The following GAB1 variants were observed in gnomAD, a reference collection of about 807,000 sequenced individuals.
GAB1 encodes GRB2-associated-binding protein 1.
GAB1 carries 19 observed loss-of-function variants against 66.5 expected under a neutral mutation model. The ratio of observed to expected loss-of-function variants is 0.29; its 90% CI spans 0.20 to 0.42. The LOEUF is 0.42. GAB1 is among the 10% of genes least tolerant of loss of function. GAB1 has a pLI of 1.00. For missense variants in GAB1, 732 were observed against 858.5 expected, an observed-to-expected ratio of 0.85 and a Z score of 1.84; for synonymous variants, 294 against 301.4, an observed-to-expected ratio of 0.98 and a Z score of 0.25.
intron 6 of GAB1, among the ~76,000 whole-genome samples, chr4:143,447,432 G>GA (rs1386013747): frequency 6.6e-6 from 1 of 152,182 alleles, no homozygotes; most frequent in African/African-American, 2.4e-5. Flanking sequence ...GATGAGCATG[G>GA]AATGTTCTTC....
intron 6 of GAB1, among the ~76,000 whole-genome samples, chr4:143,452,047 T>C (rs1734957324): frequency 6.6e-6 from 1 of 152,162 alleles, no homozygotes; most frequent in Admixed American, 6.6e-5. Context: ...TAAGACTAGC[T>C]TTACGTTTTG....
At chr4:143,387,075 A>C (rs992452643) in intron 1 of GAB1, among the ~76,000 whole-genome samples, 1 of 152,198 alleles carries the variant, frequency 6.6e-6, no homozygotes, top group Non-Finnish European at 1.5e-5. Flanking sequence ...ACTTAGGCAT[A>C]CTAGTGGCCC....
chr4:143,337,395 T>TGG lies in GAB1; in HGVS notation c.72+135_72+136insGG, dbSNP rs1728696603. On this transcript the variant is annotated intron_variant, in intron 1 of 9. Coordinates refer to ENST00000262994, the MANE Select transcript of GAB1 (RefSeq NM_002039.4). The stretch of plus-strand genomic sequence containing the variant: ...TGCCGGTCTCTTTCCCCTTGGCCCC[T>TGG]ACCCCTGGCGGGCTCGGGACAGGGT... The TGG allele has an allele frequency of 4.1e-6, 3 of 740,726 alleles. No individual in the cohort carries two copies. The East Asian group carries it at 8.4e-5, about 21-fold the overall frequency. The allele number at this position is 740,726 out of a possible 1,614,324, so 45.9% of individuals were successfully genotyped here.
chr4:143,417,040 A>G (rs1405296565), intron 2 of GAB1, among the ~76,000 whole-genome samples: 1 of 152,222 alleles, frequency 6.6e-6, no homozygotes, highest in African/African-American at 2.4e-5. Context: ...CACAGGTCCT[A>G]CAAGGAACAT....
chr4:143,434,079 G>A lies in GAB1; in HGVS notation c.593+363G>A, dbSNP rs1457947681. ...ATCTTGCTCCATTTCTTATGTGATT[G>A]TAAACCAGCCAAGGGTCATCTTTTG... On this transcript the variant is annotated intron_variant, in intron 3 of 9. Transcript: ENST00000262994. The A allele has an allele frequency of 1.9e-5, 25 of 1,283,918 alleles. No individual in the cohort carries two copies. The South Asian group carries it at 2.8e-4, about 14-fold the overall frequency. 79.5% of individuals were successfully genotyped at this position (1,283,918 alleles called of 1,614,324 possible). A position where few individuals can be genotyped will look rare whatever the true frequency, so the allele number is the denominator to read the frequency against.
chr4:143,466,575 C>G (rs750430548), intron 9 of GAB1, among the ~76,000 whole-genome samples: 4 of 149,250 alleles, frequency 2.7e-5, no homozygotes, highest in African/African-American at 5.0e-5. Context: ...CTGCAACCTC[C>G]GCTTCCCAGG....
intron 1 of GAB1, among the ~76,000 whole-genome samples, chr4:143,383,209 C>T (rs536518631): frequency 6.6e-6 from 1 of 152,286 alleles, no homozygotes; most frequent in South Asian, 2.1e-4. Flanking sequence ...TCCCCAGAGG[C>T]TCTGTATTTC....
chr4:143,439,863 A>G lies in GAB1; in HGVS notation c.1257A>G (p.Ser419=), dbSNP rs754173625. 3 of 1,612,966 alleles carry G rather than the reference A, an allele frequency of 1.9e-6. No homozygotes were observed. Among genetic ancestry groups the G allele is most frequent in the Admixed American group, 1.7e-5 (1 of 59,982 alleles). Residue 419 remains serine, a synonymous_variant, in exon 5 of 10, where the codon TCA becomes TCG. Transcript: ENST00000262994. ...PRAFPSDRSS[S]LEGFHNHFKV... is the part of the protein sequence containing the mutation. ...CATTTCCAAGTGATAGATCTAGTTCACTTGAAGGCTTCCATAACCACTTTG... is the reference window on the plus strand; with the variant it reads ...CATTTCCAAGTGATAGATCTAGTTCGCTTGAAGGCTTCCATAACCACTTTG...
intron 3 of GAB1, chr4:143,433,958 C>T (rs1273303153): frequency 7.8e-6 from 5 of 640,074 alleles, no homozygotes; most frequent in East Asian, 3.2e-5. Context: ...GTTTTCCCTA[C>T]AAGGCTCTTT....
intron 6 of GAB1, among the ~76,000 whole-genome samples, chr4:143,446,933 A>C (rs2149770690): frequency 6.6e-6 from 1 of 151,916 alleles, no homozygotes; most frequent in East Asian, 1.9e-4. Context: ...TTTAGGTCTA[A>C]CGTTTAAGTC....
intron 8 of GAB1, 44 bp downstream of exon 8, chr4:143,460,531 A>C (rs1375305940): frequency 1.3e-6 from 2 of 1,591,368 alleles, no homozygotes; most frequent in East Asian, 4.5e-5. Context: ...AGCCCTTTTC[A>C]GTCATTCAAG....
chr4:143,457,556 A>C, intron 6 of GAB1: 1 of 507,116 alleles, frequency 2.0e-6, no homozygotes, highest in Non-Finnish European at 3.4e-6. Flanking sequence ...ACTTTTGTTC[A>C]TGCTTTTAGA....
At chr4:143,417,191 G>C (rs1327277310) in intron 2 of GAB1, among the ~76,000 whole-genome samples, 36 of 152,122 alleles carry the variant, frequency 2.4e-4, no homozygotes, top group Non-Finnish European at 7.3e-5. Flanking sequence ...AACCCTCCAG[G>C]CTTAGGGACT....
intron 6 of GAB1, chr4:143,457,624 C>G: frequency 2.2e-6 from 1 of 451,768 alleles, no homozygotes; most frequent in South Asian, 3.7e-5. Context: ...TTACAGAATC[C>G]ATTTTCCAAT....
At position 143,472,003 on chromosome 4, in the gene GAB1, C is replaced by G. The variant is rs1205878207; in HGVS notation, c.*2814C>G. 1.3e-5 allele frequency: 2 copies of G among 152,150 alleles called. No individual in the cohort carries two copies. The highest frequency in any genetic ancestry group is 2.9e-5 in the Non-Finnish European group (2 of 68,020). The allele number at this position is 152,150 out of a possible 1,614,324, so 9.4% of individuals were successfully genotyped here. A position where few individuals can be genotyped will look rare whatever the true frequency, so the allele number is the denominator to read the frequency against. ...ATGATCTTGGAGATTGGAAATCTTT[C>G]TTCCACATTAGAGTTCTTTACCTTA... On this transcript the variant is annotated 3_prime_UTR_variant, in exon 10 of 10. Coordinates refer to ENST00000262994, the MANE Select transcript of GAB1 (RefSeq NM_002039.4).
chr4:143,353,033 G>C (rs895384154), intron 1 of GAB1, among the ~76,000 whole-genome samples: 1 of 152,154 alleles, frequency 6.6e-6, no homozygotes, highest in Non-Finnish European at 1.5e-5. Flanking sequence ...TTAAATCAAA[G>C]AAAGTGTTTT....
chr4:143,386,507 C>T (rs1220708690), intron 1 of GAB1, among the ~76,000 whole-genome samples: 3 of 152,074 alleles, frequency 2.0e-5, no homozygotes, highest in Admixed American at 1.3e-4. Flanking sequence ...CCCACTTCAG[C>T]CTCCCCAGTA....
intron 1 of GAB1, among the ~76,000 whole-genome samples, chr4:143,398,233 C>T (rs1267488362): frequency 6.6e-6 from 1 of 152,200 alleles, no homozygotes; most frequent in Non-Finnish European, 1.5e-5. Context: ...GCCAAAATTA[C>T]CATACTAATG....
At chr4:143,457,923 A>T (rs1418492925) in intron 6 of GAB1, among the ~76,000 whole-genome samples, 2 of 152,158 alleles carry the variant, frequency 1.3e-5, no homozygotes, top group East Asian at 3.8e-4. Context: ...AATGCTTCCC[A>T]TAATACACAA....
Sources: allele counts gnomAD v4.1 joint callset (sites outside exome capture counted in the v4.1 genomes callset), GRCh38; gene constraint gnomAD v4.1.1; transcripts MANE v1.5; gene names NCBI Gene and HGNC (gene_info 2026-07-23, HGNC 2026-07-21).